Variants in CACTIN observed in about 807,000 individuals in gnomAD.
CACTIN encodes cactin, spliceosome C complex subunit.
In CACTIN, 20 loss-of-function variants were observed where a neutral mutation model predicts 84.9. The ratio of observed to expected loss-of-function variants is 0.24; its 90% CI spans 0.17 to 0.34. The LOEUF (loss-of-function observed/expected upper bound fraction) is 0.34. CACTIN is among the 10% of genes least tolerant of loss of function. The pLI, the probability that CACTIN is intolerant of heterozygous loss-of-function variation, is 1.00. For missense variants in CACTIN, 897 were observed against 1,117.2 expected (o/e 0.80, Z 2.81); for synonymous variants, 549 against 467.9 (o/e 1.17, Z -2.24).
At position 3,613,452 on chromosome 19, in the gene CACTIN, G is replaced by C. The variant is rs377390799; in HGVS notation, c.1478+12C>G. The C allele has an allele frequency of 1.3e-5, 20 of 1,568,846 alleles. No homozygotes were observed. In the South Asian group the frequency reaches 2.2e-4, roughly 17 times the overall value. On this transcript the variant is annotated intron_variant, in intron 8 of 9. Transcript: ENST00000429344. Reference sequence around the variant, plus strand: ...TCTGCATCGGCGTCCCCGGGGTGCCGGCCGGGCCTACCTGCGGCTGGGGGA... The same window carrying C: ...TCTGCATCGGCGTCCCCGGGGTGCCCGCCGGGCCTACCTGCGGCTGGGGGA...
chr19:3,621,633 C>T (rs1389535846), intron 2 of CACTIN, among the ~76,000 whole-genome samples: 6 of 152,250 alleles, frequency 3.9e-5, no homozygotes, highest in African/African-American at 4.8e-5. Flanking sequence ...CCAGAGCTCA[C>T]GGTGGTGCCC....
In CACTIN at chr19:3,614,582, G is replaced by C. The variant is rs2145317423; in HGVS notation, c.1170C>G (p.Arg390=). The C allele has an allele frequency of 6.2e-7, 1 of 1,600,508 alleles. No individual in the cohort carries two copies. The highest frequency in any genetic ancestry group is 8.5e-7 in the Non-Finnish European group (1 of 1,174,094). The change falls in exon 7 of 10, where the codon CGC becomes CGG. Residue 390 remains arginine (R), a synonymous_variant. Coordinates refer to ENST00000429344, the MANE Select transcript of CACTIN (RefSeq NM_001080543.2). ...LEASGKGPGE[R]REGVNASVSS... ...TGACGGAGGCGTTGACCCCCTCGCGGCGCTCACCTGCAGCGGGGTGGGGGC... is the reference window on the plus strand; with the variant it reads ...TGACGGAGGCGTTGACCCCCTCGCGCCGCTCACCTGCAGCGGGGTGGGGGC...
Position 3,613,596 on chromosome 19 carries a change from A to G in CACTIN, c.1356-10T>C. ...GTGGCGCTCACGCAGCCTGGGACGCAGAGCCGGGGTCACCCGCATGGAGGC... is the reference window on the plus strand; with the variant it reads ...GTGGCGCTCACGCAGCCTGGGACGCGGAGCCGGGGTCACCCGCATGGAGGC... On this transcript the variant is annotated splice_polypyrimidine_tract_variant and intron_variant, in intron 7 of 9. Coordinates refer to ENST00000429344, the MANE Select transcript of CACTIN (RefSeq NM_001080543.2). 1 of 1,597,598 alleles carries G rather than the reference A, an allele frequency of 6.3e-7. No individual in the cohort carries two copies. Among genetic ancestry groups the G allele is most frequent in the African/African-American group, 1.3e-5 (1 of 74,836 alleles).
intron 6 of CACTIN, among the ~76,000 whole-genome samples, chr19:3,617,879 C>G (rs2033138639): frequency 1.3e-5 from 2 of 152,214 alleles, no homozygotes; most frequent in South Asian, 4.1e-4. Context: ...GACAGGATGG[C>G]TGAGTGAACT....
intron 2 of CACTIN, among the ~76,000 whole-genome samples, chr19:3,623,477 C>T (rs907986302): frequency 6.6e-6 from 1 of 151,606 alleles, no homozygotes; most frequent in African/African-American, 2.4e-5. Flanking sequence ...TGCAGTGAGC[C>T]GAGATCACAC....
intron 1 of CACTIN, among the ~76,000 whole-genome samples, chr19:3,624,834 G>A (rs2033301149): frequency 6.6e-6 from 1 of 151,948 alleles, no homozygotes; most frequent in Non-Finnish European, 1.5e-5. Context: ...GTGGTTCAGG[G>A]GCCTTTAATT....
Position 3,612,384 on chromosome 19 carries a change from A to T in CACTIN, c.1816T>A (p.Phe606Ile), listed in dbSNP as rs368303299. 20 of 1,603,706 alleles carry T rather than the reference A, an allele frequency of 1.2e-5. No homozygotes were observed. Among genetic ancestry groups the T allele is most frequent in the Non-Finnish European group, 1.4e-5 (17 of 1,176,904 alleles). ...GDASESAEDIFFRRAKEGMGQ... is the reference protein window; with the variant it reads ...GDASESAEDIIFRRAKEGMGQ... Reference sequence around the variant, plus strand: ...ATGCCCTCCTTGGCCCGCCGGAAGAAGATGTCCTCGGCGCTCTCGCTGGCG... The same window carrying T: ...ATGCCCTCCTTGGCCCGCCGGAAGATGATGTCCTCGGCGCTCTCGCTGGCG... The change falls in exon 10 of 10, where the codon TTC (phenylalanine) becomes ATC (isoleucine). Residue 606 changes from phenylalanine to isoleucine, a missense_variant. Phe to Ile is a conservative substitution (Grantham distance 21). This residue lies in a region of CACTIN where 243 missense variants were observed against 239.9 expected (regional missense o/e 1.01). Transcript: ENST00000429344.
intron 9 of CACTIN, chr19:3,612,775 T>A: frequency 1.4e-6 from 1 of 700,072 alleles, no homozygotes; most frequent in Middle Eastern, 2.3e-4. Flanking sequence ...TATTTTCTCC[T>A]CTGTCTTAGG....
chr19:3,614,038 A>C (rs1286259632), intron 7 of CACTIN: 2 of 478,752 alleles, frequency 4.2e-6, no homozygotes, highest in Admixed American at 3.3e-5. Context: ...GCCTGGGCGC[A>C]AGGCAGTGGG....
chr19:3,626,041 C>T (rs1318437377), intron 1 of CACTIN, among the ~76,000 whole-genome samples: 1 of 152,180 alleles, frequency 6.6e-6, no homozygotes, highest in African/African-American at 2.4e-5. Flanking sequence ...AATGTTGTCT[C>T]CTCTACTTCC....
chr19:3,626,718 C>A lies in CACTIN; in HGVS notation c.45G>T (p.Arg15=). ...CGCTCTGACTCTGCCGCCTTCGGCC[C>A]CGGCGACCCGCGGACCGCGAGCGCG... ...TRSRSRSAGR[R]GRRRQSQSGS... The change falls in exon 1 of 10, where the codon CGG becomes CGT. Residue 15 remains arginine (R), a synonymous_variant. Coordinates refer to ENST00000429344, the MANE Select transcript of CACTIN (RefSeq NM_001080543.2). 6.7e-7 allele frequency: 1 copy of A among 1,497,782 alleles called. No individual in the cohort carries two copies. The highest frequency in any genetic ancestry group is 8.8e-7 in the Non-Finnish European group (1 of 1,130,220). 92.8% of individuals were successfully genotyped at this position (1,497,782 alleles called of 1,614,324 possible).
intron 6 of CACTIN, among the ~76,000 whole-genome samples, chr19:3,618,113 A>G (rs887431649): frequency 4.9e-5 from 7 of 143,336 alleles, no homozygotes; most frequent in African/African-American, 1.6e-4. Flanking sequence ...GCACTGTTAC[A>G]GCAGCCGCTG....
chr19:3,626,790 C>A lies in CACTIN; in HGVS notation c.-28G>T. 7.4e-7 allele frequency: 1 copy of A among 1,342,496 alleles called. No homozygotes were observed. Among genetic ancestry groups the A allele is most frequent in the Admixed American group, 3.5e-5 (1 of 28,816 alleles). 83.2% of individuals were successfully genotyped at this position (1,342,496 alleles called of 1,614,324 possible). The stretch of plus-strand genomic sequence containing the variant: ...GCTGGGCCAGTGGCCGCGGCACCAA[C>A]ACCAATAGCCGAAGCCTGCGCTGGG... On this transcript the variant is annotated 5_prime_UTR_variant, in exon 1 of 10. Transcript: ENST00000429344.
chr19:3,626,383 T>C (rs2033332798), intron 1 of CACTIN, among the ~76,000 whole-genome samples: 1 of 152,220 alleles, frequency 6.6e-6, no homozygotes, highest in Non-Finnish European at 1.5e-5. Context: ...GGCTCCGGGC[T>C]GTCCCTCCAA....
intron 6 of CACTIN, among the ~76,000 whole-genome samples, chr19:3,618,535 C>T (rs1042871046): frequency 6.6e-6 from 1 of 152,244 alleles, no homozygotes; most frequent in Non-Finnish European, 1.5e-5. Flanking sequence ...CCAGGTGGAG[C>T]GAGACTTGCT....
In CACTIN at chr19:3,614,405, T is replaced by C. The variant is rs7255692; in HGVS notation, c.1347A>G (p.Ala449=). The C allele has an allele frequency of 0.96, 1,510,366 of 1,575,976 alleles. 723,958 individuals carry two copies. Among genetic ancestry groups the C allele is most frequent in the East Asian group, 1 (42,651 of 42,658 alleles). ...SLLQQLRAHM[A]RARLRERHQD... ...CCGCACCTAGTGCTCACCGGGCCCG[T>C]GCCATGTGGGCACGAAGCTGCTGCA... Residue 449 remains alanine, a synonymous_variant, in exon 7 of 10, where the codon GCA becomes GCG. Coordinates refer to ENST00000429344, the MANE Select transcript of CACTIN (RefSeq NM_001080543.2).
In CACTIN at chr19:3,623,864, G is replaced by C. The variant is rs755554710; in HGVS notation, c.466C>G (p.Leu156Val). Residue 156 changes from leucine to valine, a missense_variant, in exon 2 of 10, where the codon CTG becomes GTG. By Grantham distance (32) the Leu-to-Val change is conservative. Transcript: ENST00000429344. ...LREERKQQEE[L>V]MKAFETPEEK... Reference sequence around the variant, plus strand: ...TCGGGCGTCTCGAAGGCCTTCATCAGCTCCTCCTGCTGCTTCCGCTCCTCC... The same window carrying C: ...TCGGGCGTCTCGAAGGCCTTCATCACCTCCTCCTGCTGCTTCCGCTCCTCC... 1 of 1,609,940 alleles carries C rather than the reference G, an allele frequency of 6.2e-7. No homozygotes were observed. Among genetic ancestry groups the C allele is most frequent in the Non-Finnish European group, 8.5e-7 (1 of 1,179,862 alleles).
At chr19:3,626,450 C>A in intron 1 of CACTIN, 146 bp downstream of exon 1, 1 of 984,818 alleles carries the variant, frequency 1.0e-6, no homozygotes, top group Non-Finnish European at 1.4e-6. Flanking sequence ...CAGGTTAATT[C>A]CAACCGGTGG....
intron 3 of CACTIN, 100 bp downstream of exon 3, chr19:3,620,607 C>G (rs957748641): frequency 2.8e-5 from 26 of 921,374 alleles, no homozygotes; most frequent in Non-Finnish European, 3.9e-5. Flanking sequence ...AGCCAGCCCC[C>G]AGGACTTCCC....
Sources: allele counts gnomAD v4.1 joint callset (sites outside exome capture counted in the v4.1 genomes callset), GRCh38; gene constraint gnomAD v4.1.1; regional missense constraint gnomAD v4.1.1; transcripts MANE v1.5; gene names NCBI Gene and HGNC (gene_info 2026-07-23, HGNC 2026-07-21).